The following LIN28B variants were observed in gnomAD, a reference collection of about 807,000 sequenced individuals.
The protein encoded by LIN28B is lin-28 RNA binding posttranscriptional regulator B.
LIN28B carries 5 observed loss-of-function variants against 21.9 expected under a neutral mutation model. That is an observed-to-expected ratio of 0.23 (90% confidence interval 0.12 to 0.48). LIN28B has a LOEUF of 0.48. Ranked by LOEUF, LIN28B falls within the 20% of genes least tolerant of loss-of-function variation. The probability of loss-of-function intolerance (pLI) is 0.98; values close to 1 mark genes in which losing one functional copy is unlikely to be tolerated. For missense variants in LIN28B, 245 were observed against 310.5 expected (o/e 0.79, Z 1.58); for synonymous variants, 109 against 111.3 (o/e 0.98, Z 0.13).
intron 3 of LIN28B, among the ~76,000 whole-genome samples, chr6:105,039,147 A>G (rs1314040869): frequency 6.6e-6 from 1 of 152,212 alleles, no homozygotes; most frequent in Non-Finnish European, 1.5e-5. Flanking sequence ...AATAAAAATC[A>G]TCAGAGCACT....
At chr6:104,999,153 T>A (rs574594447) in intron 2 of LIN28B, among the ~76,000 whole-genome samples, 1 of 152,234 alleles carries the variant, frequency 6.6e-6, no homozygotes, top group African/African-American at 2.4e-5. Context: ...AATGTTATTA[T>A]TTTATTTATT....
chr6:104,991,016 C>G (rs1028362053), intron 2 of LIN28B, among the ~76,000 whole-genome samples: 3 of 152,260 alleles, frequency 2.0e-5, no homozygotes, highest in African/African-American at 7.2e-5. Context: ...CACATTTCCC[C>G]GTTTTCTATT....
chr6:104,980,404 C>T (rs1403767009), intron 2 of LIN28B, among the ~76,000 whole-genome samples: 2 of 152,080 alleles, frequency 1.3e-5, no homozygotes, highest in Non-Finnish European at 2.9e-5. Context: ...GGTGTTAAAA[C>T]GTAGGTGTTA....
chr6:105,068,831 T>C (rs1250404301), intron 3 of LIN28B, among the ~76,000 whole-genome samples: 4 of 152,188 alleles, frequency 2.6e-5, no homozygotes, highest in Non-Finnish European at 4.4e-5. Flanking sequence ...AGTTTAGATA[T>C]TAGGGTTTTG....
At chr6:105,009,976 T>C (rs1220781809) in intron 2 of LIN28B, among the ~76,000 whole-genome samples, 1 of 152,152 alleles carries the variant, frequency 6.6e-6, no homozygotes, top group Non-Finnish European at 1.5e-5. Flanking sequence ...TTCATCTACC[T>C]TCTCCCCATT....
chr6:105,067,310 A>G (rs1772237738), intron 3 of LIN28B, among the ~76,000 whole-genome samples: 1 of 152,220 alleles, frequency 6.6e-6, no homozygotes, highest in Non-Finnish European at 1.5e-5. Flanking sequence ...GCTTCCAACA[A>G]GGATGAATGT....
At chr6:105,049,701 A>T (rs985405650) in intron 3 of LIN28B, among the ~76,000 whole-genome samples, 1 of 152,040 alleles carries the variant, frequency 6.6e-6, no homozygotes, top group Non-Finnish European at 1.5e-5. Context: ...TTGGGTGCAT[A>T]TATATTTAGG....
intron 2 of LIN28B, among the ~76,000 whole-genome samples, chr6:104,988,828 C>T (rs1397467728): frequency 6.6e-6 from 1 of 152,170 alleles, no homozygotes; most frequent in Non-Finnish European, 1.5e-5. Context: ...ATCCACCTGC[C>T]TTGGCCTCCC....
At chr6:105,062,440 T>A (rs1582927171) in intron 3 of LIN28B, among the ~76,000 whole-genome samples, 1 of 152,324 alleles carries the variant, frequency 6.6e-6, no homozygotes, top group East Asian at 1.9e-4. Context: ...CAGTTACCAT[T>A]TGACCCCAAT....
chr6:104,988,274 A>G (rs1432857309), intron 2 of LIN28B, among the ~76,000 whole-genome samples: 1 of 152,150 alleles, frequency 6.6e-6, no homozygotes, highest in Non-Finnish European at 1.5e-5. Context: ...GTTTTATCAA[A>G]TGCCTTTTCT....
At position 104,957,264 on chromosome 6, in the gene LIN28B, A is replaced by G; in HGVS notation, c.10+4A>G. 6.2e-7 allele frequency: 1 copy of G among 1,603,368 alleles called. No homozygotes were observed. Among genetic ancestry groups the G allele is most frequent in the Non-Finnish European group, 8.5e-7 (1 of 1,171,500 alleles). On this transcript the variant is annotated splice_donor_region_variant and intron_variant, in intron 1 of 3. Coordinates refer to ENST00000345080, the MANE Select transcript of LIN28B (RefSeq NM_001004317.4). ...CCGTGGGGCAACATGGCCGAAGGTT[A>G]ATTTTCTTTTCTATTGTTTTACTGT...
At chr6:105,061,301 T>C (rs902456703) in intron 3 of LIN28B, among the ~76,000 whole-genome samples, 9 of 152,170 alleles carry the variant, frequency 5.9e-5, no homozygotes, top group Admixed American at 3.9e-4. Context: ...CAAAGCAAAT[T>C]AATTTACTAA....
chr6:104,987,067 T>G (rs1770362263), intron 2 of LIN28B, among the ~76,000 whole-genome samples: 1 of 152,204 alleles, frequency 6.6e-6, no homozygotes, highest in Non-Finnish European at 1.5e-5. Flanking sequence ...CATCTCTACA[T>G]TTTTATTTTG....
intron 2 of LIN28B, among the ~76,000 whole-genome samples, chr6:105,016,113 A>G (rs1174197856): frequency 1.3e-5 from 2 of 152,210 alleles, no homozygotes; most frequent in Admixed American, 1.3e-4. Context: ...GCCATCATCT[A>G]TTAAGTACCT....
intron 3 of LIN28B, among the ~76,000 whole-genome samples, chr6:105,031,339 C>T (rs1771418874): frequency 6.6e-6 from 1 of 151,942 alleles, no homozygotes; most frequent in African/African-American, 2.4e-5. Flanking sequence ...GTATAAGATA[C>T]TTTCATACTG....
intron 3 of LIN28B, among the ~76,000 whole-genome samples, chr6:105,039,502 C>G (rs937628226): frequency 2.0e-5 from 3 of 152,092 alleles, no homozygotes; most frequent in Admixed American, 1.3e-4. Flanking sequence ...ATGAAATTTA[C>G]TCCATCTATA....
At chr6:104,993,238 T>TG (rs1425661348) in intron 2 of LIN28B, among the ~76,000 whole-genome samples, 4 of 151,984 alleles carry the variant, frequency 2.6e-5, no homozygotes, top group African/African-American at 4.8e-5. Context: ...AAGACTGAGG[T>TG]GGGAGGATCA....
chr6:105,011,390 C>A (rs1257839654), intron 2 of LIN28B, among the ~76,000 whole-genome samples: 2 of 152,128 alleles, frequency 1.3e-5, no homozygotes, highest in African/African-American at 4.8e-5. Context: ...GGGATTTCAC[C>A]ATGTTGCCAG....
intron 2 of LIN28B, among the ~76,000 whole-genome samples, chr6:105,017,675 T>A (rs992500651): frequency 1.3e-5 from 2 of 151,566 alleles, no homozygotes; most frequent in Non-Finnish European, 2.9e-5. Flanking sequence ...CACTTATAAG[T>A]AGGAGCTAAA....
Sources: gnomAD v4.1 joint callset for allele counts (sites outside exome capture counted in the v4.1 genomes callset) on GRCh38, gnomAD v4.1.1 for gene constraint, MANE v1.5 for transcripts, NCBI Gene and HGNC (gene_info 2026-07-23, HGNC 2026-07-21) for gene names.